The following CLASP2 variants were observed in gnomAD, a reference collection of about 807,000 sequenced individuals.
CLASP2 encodes the protein CLIP-associating protein 2.
CLASP2 carries 47 observed loss-of-function variants against 194.4 expected under a neutral mutation model. The observed-to-expected ratio is 0.24, with a 90% confidence interval of 0.19 to 0.31. The LOEUF is 0.31. Ranked by LOEUF, CLASP2 falls within the 10% of genes least tolerant of loss-of-function variation. The pLI is 1.00. For missense variants in CLASP2, 1,445 were observed against 1,823.6 expected, an observed-to-expected ratio of 0.79 and a Z score of 3.78; for synonymous variants, 619 against 633.5, an observed-to-expected ratio of 0.98 and a Z score of 0.34.
Position 33,602,556 on chromosome 3 carries a change from G to A in CLASP2, c.1924+396C>T. The A allele has an allele frequency of 3.9e-6, 3 of 763,350 alleles. No homozygotes were observed. The Admixed American group carries it at 5.1e-5, about 13-fold the overall frequency. The allele number at this position is 763,350 out of a possible 1,614,324, so 47.3% of individuals were successfully genotyped here. A position where few individuals can be genotyped will look rare whatever the true frequency, so the allele number is the denominator to read the frequency against. ...GTTTGGTTAGACAGAGTAGAGCTTT[G>A]CAGTTCTCCCAGATCTCCAAAAGGC... On this transcript the variant is annotated intron_variant, in intron 18 of 38. Coordinates refer to ENST00000682230, the MANE Select transcript of CLASP2 (RefSeq NM_001365631.1).
intron 7 of CLASP2, among the ~76,000 whole-genome samples, chr3:33,649,736 T>C (rs1272105021): frequency 6.6e-6 from 1 of 152,058 alleles, no homozygotes; most frequent in Non-Finnish European, 1.5e-5. Context: ...ACCCTCGAGG[T>C]TAAAGTAAAT....
chr3:33,512,764 C>T (rs1287291979), intron 36 of CLASP2, among the ~76,000 whole-genome samples: 2 of 149,248 alleles, frequency 1.3e-5, no homozygotes, highest in Non-Finnish European at 3.0e-5. Flanking sequence ...CTGAGGCAGG[C>T]AGATCACGAG....
At chr3:33,673,977 C>T (rs1341293587) in intron 6 of CLASP2, among the ~76,000 whole-genome samples, 1 of 152,112 alleles carries the variant, frequency 6.6e-6, no homozygotes, top group Non-Finnish European at 1.5e-5. Flanking sequence ...GACTTAGACT[C>T]CCACATATTA....
intron 29 of CLASP2, among the ~76,000 whole-genome samples, chr3:33,553,904 T>C (rs528598891): frequency 6.6e-6 from 1 of 152,130 alleles, no homozygotes; most frequent in Non-Finnish European, 1.5e-5. Flanking sequence ...TGCACTCCCA[T>C]GTTCACTGCA....
intron 24 of CLASP2, among the ~76,000 whole-genome samples, chr3:33,574,967 C>T (rs1560106580): frequency 6.6e-6 from 1 of 152,052 alleles, no homozygotes; most frequent in East Asian, 1.9e-4. Flanking sequence ...TCAAACACAC[C>T]ATCTCAGTGT....
chr3:33,561,023 C>T (rs2061711520), intron 27 of CLASP2, 52 bp from the exon 28 acceptor site: 4 of 1,496,754 alleles, frequency 2.7e-6, no homozygotes, highest in Non-Finnish European at 3.7e-6. Flanking sequence ...AAATATTGAC[C>T]TCTATGTTCA....
Position 33,708,095 on chromosome 3 carries a change from G to A in CLASP2, c.195+9713C>T, listed in dbSNP as rs540490606. 5.9e-5 allele frequency among the ~76,000 whole-genome samples: 9 copies of A among 152,076 alleles called. 1 individual carries two copies. Among genetic ancestry groups the A allele is most frequent in the South Asian group, 4.1e-4 (2 of 4,822 alleles). On this transcript the variant is annotated intron_variant, in intron 1 of 38. Transcript: ENST00000682230. ...TTTGTGGTGAGAACGTGACATCTACGCTCTTAGTAAATTTCAAGTACAATA... is the reference window on the plus strand; with the variant it reads ...TTTGTGGTGAGAACGTGACATCTACACTCTTAGTAAATTTCAAGTACAATA...
chr3:33,603,024 C>A lies in CLASP2; in HGVS notation c.1852G>T (p.Ala618Ser). The A allele has an allele frequency of 6.2e-7, 1 of 1,608,290 alleles. No homozygotes were observed. Among genetic ancestry groups the A allele is most frequent in the South Asian group, 1.1e-5 (1 of 89,696 alleles). ...NAAAGAKAHH[A>S]AGQSVRSGRL... ...CCGCTTCGCACAGACTGTCCAGCAGCATGATGTGCCTTGGCACCTGCAGCA... is the reference window on the plus strand; with the variant it reads ...CCGCTTCGCACAGACTGTCCAGCAGAATGATGTGCCTTGGCACCTGCAGCA... The change falls in exon 18 of 39, where the codon GCT becomes TCT. Residue 618 changes from alanine (A) to serine (S), a missense_variant. Physicochemically the swap from Ala to Ser is moderately conservative, Grantham distance 99 (BLOSUM62 1). This residue lies in a region of CLASP2 where 174 missense variants were observed against 179.0 expected (regional missense o/e 0.97). Transcript: ENST00000682230.
intron 7 of CLASP2, among the ~76,000 whole-genome samples, chr3:33,656,368 A>G (rs1218629110): frequency 6.6e-6 from 1 of 152,246 alleles, no homozygotes; most frequent in Non-Finnish European, 1.5e-5. Flanking sequence ...AGGCATCTAC[A>G]GAGAAGGAAA....
At chr3:33,607,050 C>T (rs1472621364) in intron 15 of CLASP2, among the ~76,000 whole-genome samples, 2 of 152,120 alleles carry the variant, frequency 1.3e-5, no homozygotes, top group Admixed American at 6.5e-5. Flanking sequence ...ACACTATCTT[C>T]GGAGGATCAT....
intron 7 of CLASP2, among the ~76,000 whole-genome samples, chr3:33,655,607 T>C (rs1190211960): frequency 6.6e-6 from 1 of 152,188 alleles, no homozygotes; most frequent in African/African-American, 2.4e-5. Context: ...GTAAGTCAAA[T>C]GGTTGCTTTC....
chr3:33,615,333 A>G (rs1193777735), intron 12 of CLASP2, among the ~76,000 whole-genome samples: 9 of 151,520 alleles, frequency 5.9e-5, no homozygotes, highest in Middle Eastern at 3.4e-3. Context: ...AGAGAGGAGC[A>G]TAACAAAGGT....
intron 6 of CLASP2, chr3:33,683,480 C>G (rs1280151693): frequency 6.6e-6 from 1 of 152,104 alleles, no homozygotes; most frequent in Non-Finnish European, 1.5e-5. Flanking sequence ...TGGTGGCACA[C>G]GTCTGTTGTC....
At chr3:33,518,371 A>G (rs1370775528) in intron 34 of CLASP2, among the ~76,000 whole-genome samples, 1 of 152,230 alleles carries the variant, frequency 6.6e-6, no homozygotes, top group Non-Finnish European at 1.5e-5. Context: ...GAATGTAACA[A>G]AATACCAGAG....
At chr3:33,633,629 T>A (rs752169761) in intron 8 of CLASP2, among the ~76,000 whole-genome samples, 1 of 150,360 alleles carries the variant, frequency 6.7e-6, no homozygotes, top group Non-Finnish European at 1.5e-5. Flanking sequence ...TTTAAAGAAA[T>A]CAAGGATGGA....
At chr3:33,711,416 TTTTA>T (rs1161869944) in intron 1 of CLASP2, among the ~76,000 whole-genome samples, 2 of 151,600 alleles carry the variant, frequency 1.3e-5, no homozygotes, top group Non-Finnish European at 2.9e-5. Flanking sequence ...TGGCTAATTT[TTTTA>T]TTTCTTTTTT....
chr3:33,694,476 G>A (rs2091668171), intron 2 of CLASP2, among the ~76,000 whole-genome samples: 2 of 152,124 alleles, frequency 1.3e-5, no homozygotes, highest in South Asian at 4.1e-4. Context: ...CTACTACAGG[G>A]CAACAGTCAC....
chr3:33,621,102 A>G (rs1193576788), intron 11 of CLASP2, among the ~76,000 whole-genome samples: 2 of 149,918 alleles, frequency 1.3e-5, no homozygotes, highest in East Asian at 3.9e-4. Context: ...AGCCTCTGAA[A>G]CTCTAGTCTC....
chr3:33,565,346 T>A (rs1053466012), intron 27 of CLASP2, among the ~76,000 whole-genome samples: 6 of 151,834 alleles, frequency 4.0e-5, no homozygotes, highest in African/African-American at 1.2e-4. Flanking sequence ...ACTCGGCTAA[T>A]TTTTTTGTAC....
Sources: allele counts gnomAD v4.1 joint callset (sites outside exome capture counted in the v4.1 genomes callset), GRCh38; gene constraint gnomAD v4.1.1; regional missense constraint gnomAD v4.1.1; transcripts MANE v1.5; gene names NCBI Gene and HGNC (gene_info 2026-07-23, HGNC 2026-07-21).